CACNA2D3: variants seen among roughly 807,000 people sequenced by gnomAD.
CACNA2D3 encodes the protein calcium voltage-gated channel auxiliary subunit alpha2delta 3.
A neutral mutation model predicts 160.6 loss-of-function variants in CACNA2D3; 60 were observed. The observed-to-expected ratio is 0.37, with a 90% CI of 0.30 to 0.46. The LOEUF is 0.46. Ranked by LOEUF, CACNA2D3 falls within the 20% of genes least tolerant of loss-of-function variation. The pLI, the probability that CACNA2D3 is intolerant of heterozygous loss-of-function variation, is 1.00. For missense variants in CACNA2D3, 1,205 were observed against 1,365.0 expected, an observed-to-expected ratio of 0.88 and a Z score of 1.85; for synonymous variants, 558 against 492.9, an observed-to-expected ratio of 1.13 and a Z score of -1.75.
intron 13 of CACNA2D3, among the ~76,000 whole-genome samples, chr3:54,814,581 G>A (rs1217975650): frequency 6.6e-6 from 1 of 152,222 alleles, no homozygotes; most frequent in East Asian, 1.9e-4. Flanking sequence ...GCCTGGTGAG[G>A]GCATCACAAG....
At chr3:54,969,596 C>T (rs2107070098) in intron 28 of CACNA2D3, among the ~76,000 whole-genome samples, 1 of 152,234 alleles carries the variant, frequency 6.6e-6, no homozygotes, top group Admixed American at 6.5e-5. Context: ...TTTTATTTTA[C>T]ATTACTACTT....
chr3:54,142,835 C>T (rs1699961280), intron 2 of CACNA2D3, among the ~76,000 whole-genome samples: 2 of 152,228 alleles, frequency 1.3e-5, no homozygotes. Context: ...GGCATTTTGA[C>T]TCCAGTGCCT....
At chr3:54,584,756 A>G (rs1702731930) in intron 9 of CACNA2D3, among the ~76,000 whole-genome samples, 1 of 152,198 alleles carries the variant, frequency 6.6e-6, no homozygotes, top group Non-Finnish European at 1.5e-5. Context: ...AGACAAGAAA[A>G]AAATCTAGAA....
At chr3:54,932,853 T>G (rs1701225372) in intron 27 of CACNA2D3, among the ~76,000 whole-genome samples, 1 of 152,170 alleles carries the variant, frequency 6.6e-6, no homozygotes, top group Admixed American at 6.5e-5. Flanking sequence ...CAGCCAGGAA[T>G]AGTGGGGAGT....
At chr3:54,547,670 C>A (rs1702086169) in intron 5 of CACNA2D3, among the ~76,000 whole-genome samples, 1 of 119,848 alleles carries the variant, frequency 8.3e-6, no homozygotes, top group African/African-American at 3.2e-5. Flanking sequence ...CCTCCCCCAA[C>A]CCTTTTTTTT....
chr3:54,578,206 C>T (rs756797060), intron 8 of CACNA2D3, among the ~76,000 whole-genome samples: 1 of 152,206 alleles, frequency 6.6e-6, no homozygotes, highest in African/African-American at 2.4e-5. Context: ...AAGGAAATTG[C>T]ATCTAGCTGG....
At position 54,738,937 on chromosome 3, in the gene CACNA2D3, G is replaced by A. The variant is rs148820439; in HGVS notation, c.1168-13662G>A. On this transcript the variant is annotated intron_variant, in intron 11 of 37. Transcript: ENST00000474759. ...GCGGCCGAGGCTATCTTGAGCCCAG[G>A]AGTTTAAGACCAGCCTAGGCAATAT... 3.4e-3 allele frequency among the ~76,000 whole-genome samples: 524 copies of A among 152,222 alleles called. 1 individual carries two copies. Among genetic ancestry groups the A allele is most frequent in the Non-Finnish European group, 4.8e-3 (327 of 68,018 alleles).
chr3:54,745,237 G>C (rs1701732498), intron 11 of CACNA2D3, among the ~76,000 whole-genome samples: 1 of 151,862 alleles, frequency 6.6e-6, no homozygotes, highest in Non-Finnish European at 1.5e-5. Context: ...GGCCAACCAG[G>C]CTTAGCGTTG....
chr3:54,234,844 A>G (rs1701844433), intron 2 of CACNA2D3, among the ~76,000 whole-genome samples: 1 of 152,156 alleles, frequency 6.6e-6, no homozygotes, highest in Non-Finnish European at 1.5e-5. Flanking sequence ...AACAACAGAC[A>G]CTGGAACCTA....
At chr3:54,446,665 G>A (rs931586401) in intron 4 of CACNA2D3, among the ~76,000 whole-genome samples, 1 of 152,010 alleles carries the variant, frequency 6.6e-6, no homozygotes, top group African/African-American at 2.4e-5. Flanking sequence ...CTAATGATGG[G>A]ATTCCTAAAT....
chr3:54,125,242 T>TACACACACACACACACAC (rs59950857), intron 2 of CACNA2D3, among the ~76,000 whole-genome samples: 15 of 148,052 alleles, frequency 1.0e-4, no homozygotes, highest in Middle Eastern at 3.4e-3. Flanking sequence ...TCTTTGAAGT[T>TACACACACACACACACAC]ACACACACAC....
At chr3:54,924,744 T>C in intron 27 of CACNA2D3, 2 of 1,614,166 alleles carry the variant, frequency 1.2e-6, no homozygotes, top group Non-Finnish European at 1.7e-6. Context: ...TCGATCAAGC[T>C]GCTGAAGCTG....
chr3:54,276,586 A>AAC lies in CACNA2D3; in HGVS notation c.205-43855_205-43854insCA, dbSNP rs1553775450. On this transcript the variant is annotated intron_variant, in intron 2 of 37. Coordinates refer to ENST00000474759, the MANE Select transcript of CACNA2D3 (RefSeq NM_018398.3). The stretch of plus-strand genomic sequence containing the variant: ...AGACTCTGTCTCAAAAAAAAAAAAA[A>AAC]AAAAGAAGAAGAAGAAAGAGAGAGC... 7.8e-4 allele frequency among the ~76,000 whole-genome samples: 114 copies of AAC among 146,682 alleles called. 1 individual carries two copies. The highest frequency in any genetic ancestry group is 1.1e-3 in the Non-Finnish European group (75 of 66,432).
intron 26 of CACNA2D3, among the ~76,000 whole-genome samples, chr3:54,899,479 C>T (rs897983532): frequency 1.3e-5 from 2 of 152,122 alleles, no homozygotes; most frequent in Admixed American, 1.3e-4. Flanking sequence ...CAATTTGAAA[C>T]CACAGATTAC....
At chr3:54,248,203 G>T (rs1418599941) in intron 2 of CACNA2D3, among the ~76,000 whole-genome samples, 4 of 152,130 alleles carry the variant, frequency 2.6e-5, no homozygotes, top group Non-Finnish European at 5.9e-5. Context: ...TGGGCTTGGT[G>T]GCTCACACCA....
chr3:54,968,419 A>G (rs747207983), intron 27 of CACNA2D3, 31 bp from the exon 28 acceptor site: 4 of 1,474,868 alleles, frequency 2.7e-6, no homozygotes, highest in Non-Finnish European at 3.8e-6. Context: ...AGGGATCACT[A>G]ATGCCTTGTT....
intron 11 of CACNA2D3, among the ~76,000 whole-genome samples, chr3:54,669,634 C>T (rs961678175): frequency 3.9e-5 from 6 of 152,042 alleles, no homozygotes; most frequent in African/African-American, 7.3e-5. Flanking sequence ...AAATGTTAAT[C>T]GTCTTGCAAA....
intron 4 of CACNA2D3, among the ~76,000 whole-genome samples, chr3:54,454,224 A>G (rs1700358016): frequency 6.6e-6 from 1 of 152,132 alleles, no homozygotes; most frequent in Non-Finnish European, 1.5e-5. Context: ...ACTTTAGTAA[A>G]GTATAATTTG....
At chr3:54,190,508 T>TA (rs1700959361) in intron 2 of CACNA2D3, among the ~76,000 whole-genome samples, 1 of 152,236 alleles carries the variant, frequency 6.6e-6, no homozygotes. Context: ...TTGAGAGTTT[T>TA]AAAACCTTAC....
Sources: gnomAD v4.1 joint callset for allele counts (sites outside exome capture counted in the v4.1 genomes callset) on GRCh38, gnomAD v4.1.1 for gene constraint, MANE v1.5 for transcripts, NCBI Gene and HGNC (gene_info 2026-07-23, HGNC 2026-07-21) for gene names.